GPAM: variants seen among roughly 807,000 people sequenced by gnomAD.
GPAM encodes glycerol-3-phosphate acyltransferase, mitochondrial, also known as glycerol-3-phosphate acyltransferase 1, mitochondrial.
In GPAM, 56 loss-of-function variants were observed where a neutral mutation model predicts 105.0. The ratio of observed to expected loss-of-function variants is 0.53; its 90% confidence interval spans 0.43 to 0.67. The LOEUF is 0.67. Ranked by LOEUF, GPAM falls within the 30% of genes least tolerant of loss-of-function variation. The pLI is 0.00. For missense variants in GPAM, 855 were observed against 989.8 expected (o/e 0.86, Z 1.83); for synonymous variants, 368 against 354.4 (o/e 1.04, Z -0.43).
Position 112,157,390 on chromosome 10 carries a change from C to T in GPAM, c.1981-1G>A, listed in dbSNP as rs1364762376. The T allele has an allele frequency of 1.2e-6, 2 of 1,613,630 alleles. No individual in the cohort carries two copies. The highest frequency in any genetic ancestry group is 2.2e-5 in the East Asian group (1 of 44,886). On this transcript the variant is annotated splice_acceptor_variant, in intron 18 of 21. Transcript: ENST00000348367. LOFTEE classifies it high-confidence loss of function. ...GACTGATATCTTCCTGGTCATCGTG[C>T]TAGGCCAAGGAGATGATGGATAGTA...
chr10:112,215,266 GA>G (rs1259008253), exon 1 of GPAM: 1 of 152,258 alleles, frequency 6.6e-6, no homozygotes, highest in Non-Finnish European at 1.5e-5. Flanking sequence ...GGCTGTGGGT[GA>G]ATAAGCAAGG....
rs535040577 is a variant in GPAM, at chr10:112,197,621, A to G, written n.211-14730T>C. ...CATCTAGCATTAGGTATATCTCCCA[A>G]TGCTATCCCTCCACCCTCCCCCCAC... On this transcript the variant is annotated intron_variant and non_coding_transcript_variant, in intron 1 of 3. Coordinates refer to the GPAM transcript ENST00000480130. 4.7e-3 allele frequency among the ~76,000 whole-genome samples: 689 copies of G among 145,904 alleles called. 2 individuals are homozygous for G. The highest frequency in any genetic ancestry group is 0.017 in the African/African-American group (663 of 39,386).
At chr10:112,182,068 T>G (rs1847519345) in intron 2 of GPAM, among the ~76,000 whole-genome samples, 1 of 152,086 alleles carries the variant, frequency 6.6e-6, no homozygotes, top group Non-Finnish European at 1.5e-5. Flanking sequence ...GATACAACAT[T>G]GTATCCTTTG....
chr10:112,179,142 T>C (rs1847461151), intron 4 of GPAM, among the ~76,000 whole-genome samples: 2 of 152,262 alleles, frequency 1.3e-5, no homozygotes, highest in South Asian at 4.1e-4. Flanking sequence ...TAAAAACATT[T>C]TTAAACAAAT....
At position 112,180,487 on chromosome 10, in the gene GPAM, T is replaced by C. The variant is rs376841284; in HGVS notation, c.211A>G (p.Thr71Ala). 6.8e-6 allele frequency: 11 copies of C among 1,613,548 alleles called. No homozygotes were observed. Among genetic ancestry groups the C allele is most frequent in the Non-Finnish European group, 9.3e-6 (11 of 1,179,546 alleles). The change falls in exon 4 of 22, where the codon ACT (threonine) becomes GCT (alanine). Residue 71 changes from threonine to alanine, a missense_variant. Transcript: ENST00000348367. ...AAGGTTCTTACCCAGCTCTGGGGAG[T>C]GCAGGAGTAACAACATCTTCCAACA... is the stretch of plus-strand genomic sequence containing the variant. ...PFVGRCCYSC[T>A]PQSWDKFFNP... is the part of the protein sequence containing the mutation.
chr10:112,199,927 T>G (rs1351352396), intron 1 of GPAM, among the ~76,000 whole-genome samples: 1 of 152,036 alleles, frequency 6.6e-6, no homozygotes, highest in Non-Finnish European at 1.5e-5. Flanking sequence ...AAGGTGAGAT[T>G]TGGGTGGGGA....
chr10:112,189,886 G>A (rs1292902532), intron 1 of GPAM, among the ~76,000 whole-genome samples: 2 of 152,062 alleles, frequency 1.3e-5, no homozygotes, highest in East Asian at 3.9e-4. Context: ...TTACTCTCGG[G>A]TAACATTCCT....
At chr10:112,214,222 A>C (rs895106228) in intron 1 of GPAM, 1 of 152,272 alleles carries the variant, frequency 6.6e-6, no homozygotes, top group Non-Finnish European at 1.5e-5. Flanking sequence ...GAATAAAGAC[A>C]GACACAAAGA....
chr10:112,161,853 C>T (rs35704531), intron 14 of GPAM, 116 bp from the exon 15 acceptor site: 29,298 of 770,716 alleles, frequency 0.038, 811 homozygotes, highest in Non-Finnish European at 0.048. Context: ...TCTTCTATCA[C>T]ATTTCCCATA....
chr10:112,199,255 C>A (rs1010709165), intron 1 of GPAM, among the ~76,000 whole-genome samples: 1 of 152,136 alleles, frequency 6.6e-6, no homozygotes, highest in East Asian at 1.9e-4. Context: ...TGCGCCCAGC[C>A]ACCTGGAGGG....
rs1846904781 is a variant in GPAM at position 112,150,925 on chromosome 10, G to A, written c.*2625C>T. 1 of 985,090 alleles carries A rather than the reference G, an allele frequency of 1.0e-6. No homozygotes were observed. The highest frequency in any genetic ancestry group is 1.2e-6 in the Non-Finnish European group (1 of 829,634). The allele number at this position is 985,090 out of a possible 1,614,324, so 61.0% of individuals were successfully genotyped here. Reference sequence around the variant, plus strand: ...TTTCTCCATTTACCCTCATGACTTTGTGAAATTTAACAGATTCCAGAAGGA... The same window carrying A: ...TTTCTCCATTTACCCTCATGACTTTATGAAATTTAACAGATTCCAGAAGGA... On this transcript the variant is annotated 3_prime_UTR_variant, in exon 22 of 22. Coordinates refer to ENST00000348367, the MANE Select transcript of GPAM (RefSeq NM_001244949.2).
At chr10:112,225,738 C>G in the GPAM span, among the ~76,000 whole-genome samples, 1 of 152,170 alleles carries the variant, frequency 6.6e-6, no homozygotes, top group African/African-American at 2.4e-5. Context: ...CTTCATTTTC[C>G]TCCATTACAT....
At chr10:112,161,806 C>T (rs1847129857) in intron 14 of GPAM, 69 bp from the exon 15 acceptor site, 1 of 1,159,548 alleles carries the variant, frequency 8.6e-7, no homozygotes, top group Non-Finnish European at 1.3e-6. Context: ...TTTTGAAATA[C>T]CTAAATTTTA....
At chr10:112,159,486 G>A (rs1159795778) in intron 17 of GPAM, among the ~76,000 whole-genome samples, 6 of 152,074 alleles carry the variant, frequency 3.9e-5, no homozygotes, top group Admixed American at 2.6e-4. Flanking sequence ...GCCTCCCAAA[G>A]TGCTGAGATT....
intron 11 of GPAM, among the ~76,000 whole-genome samples, chr10:112,167,605 G>C (rs536236195): frequency 6.6e-6 from 1 of 152,322 alleles, no homozygotes; most frequent in African/African-American, 2.4e-5. Context: ...AAGGAAACCA[G>C]ATGCGTACAG....
chr10:112,153,825 G>T, intron 21 of GPAM, 159 bp from the exon 22 acceptor site: 1 of 710,310 alleles, frequency 1.4e-6, no homozygotes, highest in Non-Finnish European at 2.3e-6. Flanking sequence ...GTGTGTGTGA[G>T]CATGAGGTGG....
chr10:112,223,436 C>G, the GPAM span, among the ~76,000 whole-genome samples: 1 of 152,198 alleles, frequency 6.6e-6, no homozygotes, highest in Non-Finnish European at 1.5e-5. Flanking sequence ...TATCCTAAAA[C>G]AAACTAAATC....
At chr10:112,173,992 G>A (rs1847359138) in intron 6 of GPAM, 147 bp from the exon 7 acceptor site, 3 of 697,000 alleles carry the variant, frequency 4.3e-6, no homozygotes, top group Non-Finnish European at 7.7e-6. Context: ...GCTCAAGCTA[G>A]AAGTGCTCTT....
chr10:112,212,453 C>CG (rs1847922543), intron 1 of GPAM, among the ~76,000 whole-genome samples: 1 of 152,036 alleles, frequency 6.6e-6, no homozygotes, highest in African/African-American at 2.4e-5. Context: ...TCAGTAGAGA[C>CG]GGGATTTCAC....
Sources: allele counts gnomAD v4.1 joint callset (sites outside exome capture counted in the v4.1 genomes callset), GRCh38; gene constraint gnomAD v4.1.1; transcripts MANE v1.5; gene names NCBI Gene and HGNC (gene_info 2026-07-23, HGNC 2026-07-21).